PSMG4: variants seen among roughly 807,000 people sequenced by gnomAD.
The protein encoded by PSMG4 is proteasome assembly chaperone 4.
In PSMG4, 10 loss-of-function variants were observed where a neutral mutation model predicts 11.0. That is an observed-to-expected ratio of 0.91 (90% confidence interval 0.56 to 1.54). The LOEUF (loss-of-function observed/expected upper bound fraction) is 1.54. Among genes scored for constraint, PSMG4 ranks in the 40% most tolerant of loss-of-function variants. The pLI, the probability that PSMG4 is intolerant of heterozygous loss-of-function variation, is 0.00. For synonymous variants in PSMG4, 95 were observed against 71.3 expected (o/e 1.33, Z -1.68); for missense variants, 198 against 160.9 (o/e 1.23, Z -1.25).
chr6:3,264,497 CTG>C (rs1202624826), intron 2 of PSMG4: 11 of 1,265,238 alleles, frequency 8.7e-6, no homozygotes, highest in Middle Eastern at 2.8e-4. Context: ...GCAGGAACCT[CTG>C]TGTCAGTCAC....
chr6:3,259,333 C>T lies in PSMG4; in HGVS notation c.174+137C>T, dbSNP rs865956035. On this transcript the variant is annotated intron_variant, in intron 1 of 2. Transcript: ENST00000438998. ...CCCCCGAAGCCCACCCGTGGGATGTCTTAGGAAGCCCGCGGGCGCCAGGGC... is the reference window on the plus strand; with the variant it reads ...CCCCCGAAGCCCACCCGTGGGATGTTTTAGGAAGCCCGCGGGCGCCAGGGC... 145 of 821,664 alleles carry T rather than the reference C, an allele frequency of 1.8e-4. No homozygotes were observed. In the African/African-American group the frequency reaches 2.1e-3, roughly 12 times the overall value. 50.9% of individuals were successfully genotyped at this position (821,664 alleles called of 1,614,324 possible). A position where few individuals can be genotyped will look rare whatever the true frequency, so the allele number is the denominator to read the frequency against.
chr6:3,256,736 C>T (rs1278003184), upstream of PSMG4, among the ~76,000 whole-genome samples: 2 of 152,198 alleles, frequency 1.3e-5, no homozygotes, highest in East Asian at 1.9e-4. Context: ...CCAAAATGGC[C>T]CATCAGAGTT....
upstream of PSMG4, chr6:3,255,190 A>AGT (rs1357869747): frequency 6.4e-7 from 1 of 1,550,482 alleles, no homozygotes; most frequent in Non-Finnish European, 8.7e-7. Context: ...CTCTGGTGGA[A>AGT]GTAGGATGTT....
chr6:3,256,712 T>C (rs1757779122), upstream of PSMG4, among the ~76,000 whole-genome samples: 1 of 152,232 alleles, frequency 6.6e-6, no homozygotes, highest in African/African-American at 2.4e-5. Flanking sequence ...GCTGACTCCC[T>C]GGGCACTCTG....
At chr6:3,264,339 G>T in intron 2 of PSMG4, 1 of 1,547,798 alleles carries the variant, frequency 6.5e-7, no homozygotes, top group Non-Finnish European at 8.7e-7. Context: ...AGGCTTCCAT[G>T]TGCTCTGCGA....
At chr6:3,262,783 C>T (rs953188585) in intron 1 of PSMG4, among the ~76,000 whole-genome samples, 60 of 67,572 alleles carry the variant, frequency 8.9e-4, no homozygotes, top group Non-Finnish European at 1.7e-3. Flanking sequence ...GGCCATATTA[C>T]CAATAAGTGT....
chr6:3,260,291 A>ATTTTTTTTTTTTTTTTTTTTTTTTT (rs869076629), intron 1 of PSMG4, among the ~76,000 whole-genome samples: 3 of 70,840 alleles, frequency 4.2e-5, no homozygotes, highest in Non-Finnish European at 5.0e-5. Context: ...ATATATATAT[A>ATTTTTTTTTTTTTTTTTTTTTTTTT]TTTTTTTTTT....
intron 1 of PSMG4, among the ~76,000 whole-genome samples, chr6:3,259,462 G>A (rs988192440): frequency 6.6e-6 from 1 of 152,242 alleles, no homozygotes; most frequent in African/African-American, 2.4e-5. Context: ...AATGTCTTGG[G>A]TCTGTCCTCG....
At chr6:3,265,367 T>TG (rs1300523444) in intron 2 of PSMG4, 7 of 151,922 alleles carry the variant, frequency 4.6e-5, no homozygotes, top group African/African-American at 1.5e-4. Flanking sequence ...AGAGAAGGCC[T>TG]GGGGGGTTCT....
At chr6:3,259,295 A>G in intron 1 of PSMG4, 99 bp downstream of exon 1, 2 of 1,092,934 alleles carry the variant, frequency 1.8e-6, no homozygotes, top group Non-Finnish European at 2.3e-6. Flanking sequence ...TTGGGTCCAC[A>G]GGGCGCCCTA....
At chr6:3,259,613 T>C (rs1452228864) in intron 1 of PSMG4, among the ~76,000 whole-genome samples, 1 of 152,208 alleles carries the variant, frequency 6.6e-6, no homozygotes, top group African/African-American at 2.4e-5. Flanking sequence ...CAGGCTCTCT[T>C]CTCCAAACCT....
upstream of PSMG4, among the ~76,000 whole-genome samples, chr6:3,258,595 G>T (rs74631728): frequency 0.01 from 1,532 of 152,144 alleles, 38 homozygotes; most frequent in African/African-American, 0.035. Context: ...GAAGTGTCAC[G>T]GCCTGGGAGG....
At chr6:3,264,495 CT>C in intron 2 of PSMG4, 1 of 1,298,550 alleles carries the variant, frequency 7.7e-7, no homozygotes, top group Non-Finnish European at 1.0e-6. Context: ...AAGCAGGAAC[CT>C]CTGTGTCAGT....
intron 2 of PSMG4, chr6:3,264,384 G>C: frequency 6.6e-7 from 1 of 1,520,608 alleles, no homozygotes; most frequent in Non-Finnish European, 8.8e-7. Context: ...AGTGTGCACA[G>C]GATGCCTGTC....
At chr6:3,259,227 G>A (rs1330092185) in intron 1 of PSMG4, 31 bp downstream of exon 1, 1 of 1,264,202 alleles carries the variant, frequency 7.9e-7, no homozygotes, top group Non-Finnish European at 9.9e-7. Context: ...GGTGCGGGCG[G>A]CGGGGCGGGG....
chr6:3,260,289 A>ATTTTTTTTTT (rs1264357024), intron 1 of PSMG4, among the ~76,000 whole-genome samples: 103 of 31,032 alleles, frequency 3.3e-3, no homozygotes, highest in Non-Finnish European at 5.2e-3. Context: ...ATATATATAT[A>ATTTTTTTTTT]TATTTTTTTT....
upstream of PSMG4, chr6:3,254,999 C>T (rs1044262893): frequency 9.8e-6 from 15 of 1,533,780 alleles, no homozygotes; most frequent in East Asian, 4.9e-5. Flanking sequence ...GGACCTAGCG[C>T]ACTCCCATGT....
upstream of PSMG4, among the ~76,000 whole-genome samples, chr6:3,255,686 C>T (rs966111111): frequency 2.0e-5 from 3 of 152,214 alleles, no homozygotes; most frequent in Non-Finnish European, 4.4e-5. Flanking sequence ...TATGAGATCC[C>T]TCCTATGGCC....
At chr6:3,266,443 G>A (rs1459113484) in intron 2 of PSMG4, 1 of 152,254 alleles carries the variant, frequency 6.6e-6, no homozygotes, top group Admixed American at 6.5e-5. Context: ...ATATGTTGAG[G>A]TGGGGGTGGG....
Sources: gnomAD v4.1 joint callset for allele counts (sites outside exome capture counted in the v4.1 genomes callset) on GRCh38, gnomAD v4.1.1 for gene constraint, MANE v1.5 for transcripts, NCBI Gene and HGNC (gene_info 2026-07-23, HGNC 2026-07-21) for gene names.